NME7: variants seen among roughly 807,000 people sequenced by gnomAD.
NME7 encodes the protein nucleoside diphosphate kinase 7.
Under a neutral mutation model 49.1 loss-of-function variants are expected in NME7, and 41 were observed. That is an observed-to-expected ratio of 0.83 (90% CI 0.65 to 1.08). NME7 has a LOEUF of 1.08. NME7 is among the 50% of genes least tolerant of loss of function. NME7 has a pLI of 0.00. For missense variants in NME7, 423 were observed against 463.4 expected (o/e 0.91, Z 0.80); for synonymous variants, 139 against 150.6 (o/e 0.92, Z 0.56).
At chr1:169,168,890 A>C in intron 11 of NME7, 1 of 456,472 alleles carries the variant, frequency 2.2e-6, no homozygotes, top group Non-Finnish European at 4.4e-6. Context: ...AAATCTCCAA[A>C]CTTTCTAATA....
chr1:169,209,478 C>T (rs1264338104), intron 10 of NME7, among the ~76,000 whole-genome samples: 5 of 152,044 alleles, frequency 3.3e-5, no homozygotes, highest in Non-Finnish European at 7.4e-5. Context: ...TATGTACTTG[C>T]TTGTGCCCAT....
rs1320869800 is a variant in NME7, at chr1:169,261,180, A to G, written c.755-23493T>C. On this transcript the variant is annotated intron_variant, in intron 7 of 11. Transcript: ENST00000367811. ...AATAAAAAACTGAAAAGGTATAAAG[A>G]AACTTAGATAATTAAGCTTATAAGT... 1.5e-5 allele frequency among the ~76,000 whole-genome samples: 2 copies of G among 134,718 alleles called. 1 individual carries two copies. The highest frequency in any genetic ancestry group is 3.5e-5 in the Non-Finnish European group (2 of 57,216). The allele number at this position is 134,718 out of a possible 152,430, so 88.4% of individuals were successfully genotyped here.
intron 10 of NME7, among the ~76,000 whole-genome samples, chr1:169,194,492 A>G (rs1660317389): frequency 6.6e-6 from 1 of 152,176 alleles, no homozygotes; most frequent in Non-Finnish European, 1.5e-5. Flanking sequence ...CATGATAAGA[A>G]AATCCTCTCT....
At chr1:169,303,902 A>C (rs1651073053) in intron 4 of NME7, among the ~76,000 whole-genome samples, 1 of 152,226 alleles carries the variant, frequency 6.6e-6, no homozygotes, top group South Asian at 2.1e-4. Context: ...TTTTTTCCAC[A>C]GGCTTTAAAC....
At chr1:169,174,302 T>C (rs575624330) in intron 10 of NME7, among the ~76,000 whole-genome samples, 2 of 152,214 alleles carry the variant, frequency 1.3e-5, no homozygotes, top group African/African-American at 2.4e-5. Context: ...ATCAGATTGA[T>C]AAAATATGTC....
chr1:169,354,615 T>C (rs1653313320), intron 1 of NME7, among the ~76,000 whole-genome samples: 1 of 149,678 alleles, frequency 6.7e-6, no homozygotes, highest in Admixed American at 6.7e-5. Flanking sequence ...TGCATGCCTG[T>C]ACCAAAATAT....
In NME7 at chr1:169,274,217, T is replaced by G. The variant is rs553982465; in HGVS notation, c.754+13086A>C. 7.0e-3 allele frequency among the ~76,000 whole-genome samples: 934 copies of G among 134,084 alleles called. 95 individuals are homozygous for G. The highest frequency in any genetic ancestry group is 0.023 in the African/African-American group (892 of 39,634). The allele number at this position is 134,084 out of a possible 152,430, so 88.0% of individuals were successfully genotyped here. On this transcript the variant is annotated intron_variant, in intron 7 of 11. Coordinates refer to ENST00000367811, the MANE Select transcript of NME7 (RefSeq NM_013330.5). ...TGATTTGCATTTCTCTGATGGCCAGTGATGATGAGCATTTTTTCATGTGTC... is the reference window on the plus strand; with the variant it reads ...TGATTTGCATTTCTCTGATGGCCAGGGATGATGAGCATTTTTTCATGTGTC...
At chr1:169,249,993 T>A (rs1648493967) in intron 7 of NME7, among the ~76,000 whole-genome samples, 1 of 152,140 alleles carries the variant, frequency 6.6e-6, no homozygotes, top group Admixed American at 6.6e-5. Context: ...CTTCATAGAA[T>A]GAGTTAGGGA....
chr1:169,356,660 G>A (rs567109825), intron 1 of NME7, among the ~76,000 whole-genome samples: 6 of 152,198 alleles, frequency 3.9e-5, no homozygotes, highest in African/African-American at 9.6e-5. Context: ...GGACATCTGG[G>A]TCAATGAACA....
chr1:169,259,094 A>C (rs1231050675), intron 7 of NME7, among the ~76,000 whole-genome samples: 2 of 134,208 alleles, frequency 1.5e-5, no homozygotes, highest in African/African-American at 5.0e-5. Flanking sequence ...AATATTGAAT[A>C]CATTTTACAT....
intron 10 of NME7, among the ~76,000 whole-genome samples, chr1:169,173,435 A>C (rs984065022): frequency 3.3e-5 from 5 of 152,134 alleles, no homozygotes; most frequent in African/African-American, 1.2e-4. Context: ...AAGTATTTTT[A>C]CTGATATAAA....
intron 10 of NME7, among the ~76,000 whole-genome samples, chr1:169,176,117 C>G (rs1199834093): frequency 1.3e-5 from 2 of 152,056 alleles, no homozygotes; most frequent in Non-Finnish European, 1.5e-5. Context: ...TGTACTAATA[C>G]AGTTATGCAG....
chr1:169,288,843 G>A (rs1650381698), intron 6 of NME7, among the ~76,000 whole-genome samples: 1 of 152,044 alleles, frequency 6.6e-6, no homozygotes, highest in South Asian at 2.1e-4. Context: ...GAACCTTTAT[G>A]GTACAGATGA....
chr1:169,341,719 G>A (rs12751929), intron 1 of NME7, among the ~76,000 whole-genome samples: 11,277 of 152,182 alleles, frequency 0.074, 1,524 homozygotes, highest in East Asian at 0.66. Flanking sequence ...AGCATGCCCT[G>A]GGTGTGAGAC....
At chr1:169,293,830 CATTT>C (rs769901976) in intron 6 of NME7, among the ~76,000 whole-genome samples, 69 of 152,222 alleles carry the variant, frequency 4.5e-4, no homozygotes, top group Non-Finnish European at 8.4e-4. Flanking sequence ...CATATATCTT[CATTT>C]ATTTATGTCT....
At chr1:169,241,907 C>T (rs528230043) in intron 7 of NME7, among the ~76,000 whole-genome samples, 1 of 151,522 alleles carries the variant, frequency 6.6e-6, no homozygotes, top group South Asian at 2.1e-4. Context: ...TCCAATAGCC[C>T]TTATAAATAT....
intron 7 of NME7, among the ~76,000 whole-genome samples, chr1:169,251,261 A>G (rs994192705): frequency 6.6e-6 from 1 of 151,970 alleles, no homozygotes; most frequent in African/African-American, 2.4e-5. Context: ...TTGTTGCTTT[A>G]AAATCTGTTT....
At chr1:169,161,217 C>T (rs1659233411) in intron 11 of NME7, among the ~76,000 whole-genome samples, 1 of 152,192 alleles carries the variant, frequency 6.6e-6, no homozygotes, top group Non-Finnish European at 1.5e-5. Flanking sequence ...TTTTCTACCT[C>T]CTGGTCAAAG....
At chr1:169,265,413 CAAG>C (rs201082616) in intron 7 of NME7, among the ~76,000 whole-genome samples, 1,766 of 133,576 alleles carry the variant, frequency 0.013, 212 homozygotes, top group African/African-American at 0.042. Context: ...AGGCAGAAAT[CAAG>C]AAGTTCTTTG....
Sources: allele counts gnomAD v4.1 joint callset (sites outside exome capture counted in the v4.1 genomes callset), GRCh38; gene constraint gnomAD v4.1.1; transcripts MANE v1.5; gene names NCBI Gene and HGNC (gene_info 2026-07-23, HGNC 2026-07-21).